Variants in TASOR2 observed in about 807,000 individuals in gnomAD.
TASOR2 encodes transcription activation suppressor family member 2, also known as protein TASOR 2.
TASOR2 carries 84 observed loss-of-function variants against 199.5 expected under a neutral mutation model. The observed-to-expected ratio is 0.42, with a 90% CI of 0.35 to 0.50. The LOEUF is 0.50. Ranked by LOEUF, TASOR2 falls within the 20% of genes least tolerant of loss-of-function variation. The pLI, the probability that TASOR2 is intolerant of heterozygous loss-of-function variation, is 0.02. For synonymous variants in TASOR2, 1,103 were observed against 1,046.6 expected (o/e 1.05, Z -1.04); for missense variants, 2,796 against 2,835.9 (o/e 0.99, Z 0.32).
intron 11 of TASOR2, among the ~76,000 whole-genome samples, chr10:5,733,614 A>G (rs561022446): frequency 7.9e-5 from 12 of 152,374 alleles, no homozygotes; most frequent in Admixed American, 6.5e-4. Flanking sequence ...TAAACAAAAC[A>G]ATCTATGCAG....
intron 1 of TASOR2, among the ~76,000 whole-genome samples, chr10:5,688,072 T>G (rs1376922911): frequency 6.6e-6 from 1 of 152,188 alleles, no homozygotes; most frequent in East Asian, 1.9e-4. Flanking sequence ...TTGTATTCAT[T>G]GTGTTGCCAT....
chr10:5,695,787 A>G (rs1837076762), intron 1 of TASOR2, among the ~76,000 whole-genome samples: 1 of 152,224 alleles, frequency 6.6e-6, no homozygotes, highest in African/African-American at 2.4e-5. Context: ...GAATTAGAGA[A>G]TGCTGAAAGC....
rs1407954952 is a variant in TASOR2, at chr10:5,757,514, A to G, written c.6733-6A>G. The G allele has an allele frequency of 1.9e-5, 31 of 1,595,454 alleles. 1 individual carries two copies. In the Admixed American group the frequency reaches 4.6e-4, roughly 24 times the overall value. On this transcript the variant is annotated splice_region_variant and splice_polypyrimidine_tract_variant and intron_variant, in intron 16 of 20. Coordinates refer to ENST00000328090, the Ensembl canonical transcript of TASOR2. ...TCTTCACCGGGGTCCTTTTTGTGTC[A>G]TGCAGATTCCTTCTTTGCTGAAGCT...
chr10:5,737,019 G>A lies in TASOR2; in HGVS notation c.1447+1473G>A, dbSNP rs552850927. The stretch of plus-strand genomic sequence containing the variant: ...TCTGTCACCAGGCTGGAGTGCAGTA[G>A]CACGATCTCGGCTCACTGCAACCTC... On this transcript the variant is annotated intron_variant, in intron 12 of 20. Transcript: ENST00000328090. The surrounding 1 kb of genome is among the most constrained non-coding windows in gnomAD (Gnocchi z 4.9). Among the ~76,000 whole-genome samples the A allele has an allele frequency of 6.6e-6, 1 of 152,334 alleles. No individual in the cohort carries two copies. Among genetic ancestry groups the A allele is most frequent in the East Asian group, 1.9e-4 (1 of 5,182 alleles).
chr10:5,743,238 T>TGG (rs1388642452), intron 14 of TASOR2, among the ~76,000 whole-genome samples: 1 of 152,212 alleles, frequency 6.6e-6, no homozygotes, highest in Non-Finnish European at 1.5e-5. Context: ...ATTCCTGTCT[T>TGG]AAGAAAGAGT....
In TASOR2 at chr10:5,730,995, A is replaced by C; in HGVS notation, c.996A>C (p.Ala332=). 4 of 1,614,146 alleles carry C rather than the reference A, an allele frequency of 2.5e-6. No homozygotes were observed. Among genetic ancestry groups the C allele is most frequent in the Non-Finnish European group, 3.4e-6 (4 of 1,180,020 alleles). Reference sequence around the variant, plus strand: ...AGGATTCTGAAGAAATGTTGAAAGCAAAGAAGAGAGTTTTTCCATTGAGTC... The same window carrying C: ...AGGATTCTGAAGAAATGTTGAAAGCCAAGAAGAGAGTTTTTCCATTGAGTC... The change falls in exon 11 of 21, where the codon GCA becomes GCC. Residue 332 remains alanine (A), a synonymous_variant. Transcript: ENST00000328090. The surrounding 1 kb of genome is among the most constrained non-coding windows in gnomAD (Gnocchi z 4.1).
chr10:5,712,179 G>C, intron 1 of TASOR2: 1 of 302,682 alleles, frequency 3.3e-6, no homozygotes, highest in Non-Finnish European at 6.0e-6. Context: ...ACATATTTTA[G>C]CTCCTGTACT....
At chr10:5,726,702 C>T (rs1017502342) in intron 8 of TASOR2, 183 bp from the exon 10 acceptor site, 3 of 599,012 alleles carry the variant, frequency 5.0e-6, no homozygotes, top group Non-Finnish European at 8.8e-6. Flanking sequence ...CCAACAGGGC[C>T]AAGATTATTT....
In TASOR2 at chr10:5,748,075, T is replaced by C; in HGVS notation, c.4654T>C (p.Leu1552=). The C allele has an allele frequency of 2.5e-6, 4 of 1,614,224 alleles. No homozygotes were observed. Among genetic ancestry groups the C allele is most frequent in the Non-Finnish European group, 3.4e-6 (4 of 1,180,032 alleles). ...AAAACTGGTAAAATCAGGAAATCCA[T>C]TGCAGCCAGTTAGTATAGAGAATAG... The change falls in exon 15 of 21, where the codon TTG becomes CTG. Residue 1552 remains leucine (L), a synonymous_variant. Transcript: ENST00000328090. This position sits in a 1 kb window ranked among gnomAD's most constrained non-coding sequence, Gnocchi z 5.1.
chr10:5,697,450 C>T (rs191767774), intron 1 of TASOR2, among the ~76,000 whole-genome samples: 3 of 152,216 alleles, frequency 2.0e-5, no homozygotes, highest in African/African-American at 4.8e-5. Flanking sequence ...AGAGAAGTCT[C>T]GTATACCTGG....
At chr10:5,696,501 C>T (rs1168335247) in intron 1 of TASOR2, among the ~76,000 whole-genome samples, 3 of 152,112 alleles carry the variant, frequency 2.0e-5, no homozygotes, top group Non-Finnish European at 4.4e-5. Context: ...GGAATACAGG[C>T]GTATGCCCCC....
At chr10:5,743,846 C>G (rs1245846282) in intron 14 of TASOR2, 1 of 152,194 alleles carries the variant, frequency 6.6e-6, no homozygotes, top group Non-Finnish European at 1.5e-5. Context: ...TATGTACTTA[C>G]GTAGGCTTTT....
chr10:5,723,902 T>C, intron 7 of TASOR2, 125 bp downstream of exon 8: 1 of 511,102 alleles, frequency 2.0e-6, no homozygotes, highest in East Asian at 3.4e-5. Flanking sequence ...AAGAGTCTTT[T>C]GTAAGAAAGC....
intron 1 of TASOR2, chr10:5,709,751 T>G: frequency 8.9e-7 from 1 of 1,123,512 alleles, no homozygotes; most frequent in Non-Finnish European, 1.1e-6. Flanking sequence ...TTAGATCATG[T>G]AAAACAAAAA....
chr10:5,731,490 T>A (rs1259363235), intron 11 of TASOR2, among the ~76,000 whole-genome samples: 1 of 152,256 alleles, frequency 6.6e-6, no homozygotes, highest in East Asian at 1.9e-4. Context: ...ATCACGCCAT[T>A]GCGCTCCCGC....
rs1837488101 is a variant in TASOR2 at position 5,699,090 on chromosome 10, A to C, written c.-287-13733A>C. On this transcript the variant is annotated intron_variant, in intron 1 of 20. Transcript: ENST00000328090. This position sits in a 1 kb window ranked among gnomAD's most constrained non-coding sequence, Gnocchi z 4.1. ...TGTAGAAACAACCCAAATGTGCATC[A>C]GTTGATGGATAAACAAAATGTAGTA... Among the ~76,000 whole-genome samples the C allele has an allele frequency of 6.6e-6, 1 of 152,236 alleles. No homozygotes were observed. Among genetic ancestry groups the C allele is most frequent in the Non-Finnish European group, 1.5e-5 (1 of 68,028 alleles).
In TASOR2 at chr10:5,730,576, A is replaced by G. The variant is rs756397430; in HGVS notation, c.577A>G (p.Lys193Glu). 6 of 1,614,248 alleles carry G rather than the reference A, an allele frequency of 3.7e-6. No individual in the cohort carries two copies. The highest frequency in any genetic ancestry group is 5.1e-6 in the Non-Finnish European group (6 of 1,180,036). The stretch of plus-strand genomic sequence containing the variant: ...TAATTGTGCCCTGCTAGAAACAAAG[A>G]AATCACTTCCTGAAGAAAGAATCCA... Residue 193 changes from lysine to glutamate, a missense_variant, in exon 11 of 21, where the codon AAA becomes GAA. Lys to Glu is a moderately conservative substitution (Grantham distance 56). Around this residue, in one of 3 missense-constraint regions of TASOR2, gnomAD observed 847 missense variants for 887.4 expected, o/e 0.95. Coordinates refer to ENST00000328090, the Ensembl canonical transcript of TASOR2. This position sits in a 1 kb window ranked among gnomAD's most constrained non-coding sequence, Gnocchi z 4.1.
chr10:5,693,850 A>G (rs920954231), intron 1 of TASOR2, among the ~76,000 whole-genome samples: 2 of 152,250 alleles, frequency 1.3e-5, no homozygotes, highest in Non-Finnish European at 2.9e-5. Flanking sequence ...CTGTGGTGCT[A>G]GGAGCTCTGT....
chr10:5,747,402 A>G, exon 15 of TASOR2: 1 of 1,614,188 alleles, frequency 6.2e-7, no homozygotes, highest in Non-Finnish European at 8.5e-7. Flanking sequence ...GTGAACCGGA[A>G]GAGGTGGCTC....
Sources: gnomAD v4.1 joint callset for allele counts (sites outside exome capture counted in the v4.1 genomes callset) on GRCh38, gnomAD v4.1.1 for gene constraint, gnomAD v4.1.1 regional missense constraint, Gnocchi (gnomAD v3.1) non-coding constraint, MANE v1.5 for transcripts, NCBI Gene and HGNC (gene_info 2026-07-23, HGNC 2026-07-21) for gene names.